The following CHID1 variants were observed in gnomAD, a reference collection of about 807,000 sequenced individuals.
CHID1 encodes the protein chitinase domain containing 1.
A neutral mutation model predicts 55.4 loss-of-function variants in CHID1; 44 were observed. The observed-to-expected ratio is 0.79, with a 90% CI of 0.62 to 1.02. CHID1 has a LOEUF of 1.02. Ranked by LOEUF, CHID1 falls within the 50% of genes least tolerant of loss-of-function variation. The pLI, the probability that CHID1 is intolerant of heterozygous loss-of-function variation, is 0.00. For missense variants in CHID1, 491 were observed against 515.3 expected (o/e 0.95, Z 0.46); for synonymous variants, 216 against 212.9 (o/e 1.01, Z -0.13).
In CHID1 at chr11:883,403, C is replaced by T. The variant is rs564016318; in HGVS notation, c.804-100G>A. 1.1e-4 allele frequency: 133 copies of T among 1,197,540 alleles called. 2 individuals carry two copies. The highest frequency in any genetic ancestry group is 2.4e-4 in the South Asian group (17 of 70,414). The allele number at this position is 1,197,540 out of a possible 1,614,324, so 74.2% of individuals were successfully genotyped here. The stretch of plus-strand genomic sequence containing the variant: ...TGAGGGGTGCATCCTCCCCATGCTG[C>T]GGCTGACACCTCTAGAGAGTTGTAA... On this transcript the variant is annotated intron_variant, in intron 9 of 12. Transcript: ENST00000323578.
At chr11:895,181 G>A (rs1851170678) in intron 7 of CHID1, among the ~76,000 whole-genome samples, 1 of 152,126 alleles carries the variant, frequency 6.6e-6, no homozygotes, top group African/African-American at 2.4e-5. Flanking sequence ...ACCCTACCTG[G>A]GGGTCTCCTG....
chr11:884,239 G>T, intron 8 of CHID1, 70 bp from the exon 9 acceptor site: 1 of 1,231,960 alleles, frequency 8.1e-7, no homozygotes, highest in Non-Finnish European at 1.2e-6. Context: ...GCTGCGGTTC[G>T]AGCAAGCTGC....
chr11:870,696 G>T (rs1328108690), intron 10 of CHID1, 197 bp from the exon 11 acceptor site: 10 of 559,060 alleles, frequency 1.8e-5, no homozygotes, highest in Non-Finnish European at 3.2e-5. Context: ...GAAACCTCAG[G>T]AAAAACATCT....
chr11:886,183 G>A lies in CHID1; in HGVS notation c.702-2014C>T, dbSNP rs1163863452. ...GAAAAAAAAAAAGGAAAAATGGCGG[G>A]GTGTGATGGCTCACACCTGTAATCC... On this transcript the variant is annotated intron_variant, in intron 8 of 12. Transcript: ENST00000323578. Among the ~76,000 whole-genome samples, 6 of 150,008 alleles carry A rather than the reference G, an allele frequency of 4.0e-5. No individual in the cohort carries two copies. In the East Asian group the frequency reaches 1.2e-3, roughly 30 times the overall value.
chr11:886,529 C>T (rs1241472556), intron 8 of CHID1, among the ~76,000 whole-genome samples: 3 of 152,146 alleles, frequency 2.0e-5, no homozygotes, highest in Non-Finnish European at 2.9e-5. Context: ...ACCACTGATG[C>T]GATGGTTTCT....
At chr11:882,900 CCAGCCTCACGCAGATGTGGGGA>C (rs372592621) in intron 10 of CHID1, 5,014 of 464,960 alleles carry the variant, frequency 0.011, 208 homozygotes, top group African/African-American at 0.084. Flanking sequence ...AGCCTCAGTC[CCAGCCTCACGCAGATGTGGGGA>C]CAGCCTCACG....
chr11:907,238 T>A (rs921546000), intron 1 of CHID1, among the ~76,000 whole-genome samples: 10 of 152,132 alleles, frequency 6.6e-5, no homozygotes, highest in African/African-American at 2.4e-4. Flanking sequence ...TCCCAGCACT[T>A]TGGGAGGCCG....
At chr11:873,143 G>T (rs992372634) in intron 10 of CHID1, among the ~76,000 whole-genome samples, 2 of 152,154 alleles carry the variant, frequency 1.3e-5, no homozygotes, top group Non-Finnish European at 2.9e-5. Flanking sequence ...CCCAGGGAGG[G>T]TCTGAGAGTC....
intron 1 of CHID1, among the ~76,000 whole-genome samples, chr11:909,732 C>T (rs1327578249): frequency 1.3e-5 from 2 of 152,198 alleles, no homozygotes; most frequent in African/African-American, 2.4e-5. Flanking sequence ...TGGTGCATGG[C>T]GGCTCTGGCC....
intron 7 of CHID1, among the ~76,000 whole-genome samples, 190 bp from the exon 8 acceptor site, chr11:893,709 C>T (rs1565186924): frequency 7.8e-6 from 1 of 128,928 alleles, no homozygotes. Context: ...CTGTCTCATG[C>T]CCCAGTGGGC....
intron 8 of CHID1, among the ~76,000 whole-genome samples, chr11:885,442 CAG>C (rs1191179838): frequency 6.6e-6 from 1 of 152,226 alleles, no homozygotes; most frequent in Non-Finnish European, 1.5e-5. Flanking sequence ...TCCCGGCCTG[CAG>C]GTACGTGGAG....
intron 8 of CHID1, among the ~76,000 whole-genome samples, chr11:887,804 C>G (rs1850508725): frequency 6.6e-6 from 1 of 152,224 alleles, no homozygotes; most frequent in Admixed American, 6.5e-5. Context: ...TGCAACGCCC[C>G]TGTCCCTCTC....
Position 894,450 on chromosome 11 carries a change from G to C in CHID1, c.609-931C>G, listed in dbSNP as rs992837826. ...AGGCCGGCCGTGTGCACACGCTGGT[G>C]CCCATGAGTCTACCCTGCAGGTGGC... is the stretch of plus-strand genomic sequence containing the variant. On this transcript the variant is annotated intron_variant, in intron 7 of 12. Coordinates refer to ENST00000323578, the MANE Select transcript of CHID1 (RefSeq NM_023947.4). Among the ~76,000 whole-genome samples, 2 of 152,174 alleles carry C rather than the reference G, an allele frequency of 1.3e-5. 1 individual carries two copies. Among genetic ancestry groups the C allele is most frequent in the South Asian group, 4.1e-4 (2 of 4,828 alleles).
At chr11:889,138 G>A (rs543271754) in intron 8 of CHID1, among the ~76,000 whole-genome samples, 2 of 152,146 alleles carry the variant, frequency 1.3e-5, no homozygotes, top group Admixed American at 1.3e-4. Context: ...GCCAGAGGCC[G>A]GGGCGGCTGC....
intron 10 of CHID1, among the ~76,000 whole-genome samples, chr11:871,826 C>CGGT (rs58351068): frequency 0.99 from 151,020 of 152,320 alleles, 74,882 homozygotes; most frequent in Middle Eastern, 1. Context: ...GCCACAGGAC[C>CGGT]GCACCTCGAG....
At chr11:912,733 A>T (rs367647853), upstream of CHID1, among the ~76,000 whole-genome samples, 2 of 150,990 alleles carry the variant, frequency 1.3e-5, no homozygotes, top group African/African-American at 4.8e-5. Context: ...AGTCCCAGCT[A>T]CTTGGGAGGC....
At chr11:883,324 G>A (rs763815741) in intron 9 of CHID1, 21 bp from the exon 10 acceptor site, 82 of 1,597,028 alleles carry the variant, frequency 5.1e-5, no homozygotes, top group Middle Eastern at 1.7e-4. Flanking sequence ...AGGGGTGAGC[G>A]AGTTTCAGCA....
At chr11:889,569 C>A (rs1378259124) in intron 8 of CHID1, among the ~76,000 whole-genome samples, 1 of 152,170 alleles carries the variant, frequency 6.6e-6, no homozygotes, top group Admixed American at 6.5e-5. Flanking sequence ...TAGTCTCTGA[C>A]CTCCATTCAG....
At chr11:900,615 T>G (rs565028239) in intron 5 of CHID1, among the ~76,000 whole-genome samples, 34 of 152,162 alleles carry the variant, frequency 2.2e-4, no homozygotes, top group Non-Finnish European at 4.0e-4. Flanking sequence ...AGCCCAGGGC[T>G]TGGCCCCAGC....
Sources: allele counts gnomAD v4.1 joint callset (sites outside exome capture counted in the v4.1 genomes callset), GRCh38; gene constraint gnomAD v4.1.1; transcripts MANE v1.5; gene names NCBI Gene and HGNC (gene_info 2026-07-23, HGNC 2026-07-21).